PGCKA1: variants seen among roughly 807,000 people sequenced by gnomAD.
The protein encoded by PGCKA1 is PDCD10 and GCKIII kinases-associated protein 1.
At chr4:37,505,239 C>G in the PGCKA1 span, among the ~76,000 whole-genome samples, 1 of 152,334 alleles carries the variant, frequency 6.6e-6, no homozygotes, top group Admixed American at 6.5e-5. Context: ...ACATTTTAAA[C>G]CATCCTTGCA....
the PGCKA1 span, among the ~76,000 whole-genome samples, chr4:37,544,754 T>G: frequency 1.3e-5 from 2 of 152,040 alleles, no homozygotes; most frequent in Non-Finnish European, 2.9e-5. Context: ...GGGGTTGGTT[T>G]TTTGTTTGTT....
chr4:37,570,749 CAACTTCTATA>C, the PGCKA1 span, among the ~76,000 whole-genome samples: 1 of 152,192 alleles, frequency 6.6e-6, no homozygotes, highest in Non-Finnish European at 1.5e-5. Context: ...CCAAATACTC[CAACTTCTATA>C]AACGCAAACC....
chr4:37,586,488 A>G, the PGCKA1 span, among the ~76,000 whole-genome samples: 4 of 152,208 alleles, frequency 2.6e-5, no homozygotes, highest in Non-Finnish European at 5.9e-5. Context: ...GGACTCTTCT[A>G]CATTCCATGA....
the PGCKA1 span, among the ~76,000 whole-genome samples, chr4:37,562,828 A>C: frequency 0.013 from 1,910 of 152,326 alleles, 104 homozygotes; most frequent in East Asian, 0.14. Context: ...TACTTGGCAC[A>C]TAATAGGTGC....
At chr4:37,495,219 A>C in the PGCKA1 span, among the ~76,000 whole-genome samples, 1 of 152,160 alleles carries the variant, frequency 6.6e-6, no homozygotes, top group Non-Finnish European at 1.5e-5. Context: ...TCATTCTTAA[A>C]AAGTCAGGAA....
chr4:37,477,275 A>G, the PGCKA1 span, among the ~76,000 whole-genome samples: 1 of 152,206 alleles, frequency 6.6e-6, no homozygotes, highest in African/African-American at 2.4e-5. Flanking sequence ...ACATCATTCT[A>G]AGGGAAAGAA....
chr4:37,463,015 G>GGGGT, the PGCKA1 span, among the ~76,000 whole-genome samples: 1 of 149,774 alleles, frequency 6.7e-6, no homozygotes, highest in Non-Finnish European at 1.5e-5. Context: ...TGACCTGGAA[G>GGGGT]GGGTCTTCAG....
chr4:37,537,104 C>T, the PGCKA1 span, among the ~76,000 whole-genome samples: 1 of 152,194 alleles, frequency 6.6e-6, no homozygotes, highest in African/African-American at 2.4e-5. Flanking sequence ...GCCAATGTAA[C>T]ATATGTAACC....
At chr4:37,488,447 C>T in the PGCKA1 span, among the ~76,000 whole-genome samples, 1 of 152,142 alleles carries the variant, frequency 6.6e-6, no homozygotes, top group African/African-American at 2.4e-5. Context: ...CTGCATTCTG[C>T]CTCTTGACAT....
the PGCKA1 span, among the ~76,000 whole-genome samples, chr4:37,579,025 TC>T: frequency 6.6e-6 from 1 of 152,114 alleles, no homozygotes; most frequent in Non-Finnish European, 1.5e-5. Flanking sequence ...GCCATTGCAC[TC>T]CAGCCTGGGC....
the PGCKA1 span, among the ~76,000 whole-genome samples, chr4:37,581,312 C>G: frequency 1.7e-3 from 265 of 152,200 alleles, 1 homozygote; most frequent in African/African-American, 6.1e-3. This position sits in a 1 kb window ranked among gnomAD's most constrained non-coding sequence, Gnocchi z 4.4. Context: ...TAGAAGTAGT[C>G]TCTCCCCATA....
the PGCKA1 span, among the ~76,000 whole-genome samples, chr4:37,514,020 A>G: frequency 1.3e-5 from 2 of 152,204 alleles, no homozygotes; most frequent in Non-Finnish European, 2.9e-5. Context: ...TAATGAACAG[A>G]AATTCATTGG....
At chr4:37,591,062 C>T in the PGCKA1 span, 2 of 1,370,634 alleles carry the variant, frequency 1.5e-6, no homozygotes, top group African/African-American at 1.4e-5. Context: ...TGCATTTGCT[C>T]CCTGGATGCA....
chr4:37,561,991 C>T, the PGCKA1 span, among the ~76,000 whole-genome samples: 3 of 152,192 alleles, frequency 2.0e-5, no homozygotes, highest in East Asian at 1.9e-4. Flanking sequence ...CTAGACAACA[C>T]GTCAGCACTA....
chr4:37,460,583 G>A, the PGCKA1 span: 4 of 453,480 alleles, frequency 8.8e-6, no homozygotes, highest in African/African-American at 2.0e-5. Context: ...TTTGTCTAAT[G>A]ATCAGTGATG....
the PGCKA1 span, among the ~76,000 whole-genome samples, chr4:37,535,328 C>T: frequency 6.6e-6 from 1 of 152,202 alleles, no homozygotes; most frequent in Non-Finnish European, 1.5e-5. Flanking sequence ...TTCAGGGTTA[C>T]AGTGAGCTAT....
the PGCKA1 span, among the ~76,000 whole-genome samples, chr4:37,519,576 G>A: frequency 5.3e-5 from 8 of 152,042 alleles, no homozygotes; most frequent in African/African-American, 1.9e-4. Context: ...TTCACTGTTG[G>A]CGTATGAAAA....
At chr4:37,522,876 A>G in the PGCKA1 span, among the ~76,000 whole-genome samples, 1 of 151,668 alleles carries the variant, frequency 6.6e-6, no homozygotes, top group South Asian at 2.1e-4. Context: ...AGTCCTTTCA[A>G]CCCTTCTCTC....
chr4:37,483,847 G>A, the PGCKA1 span, among the ~76,000 whole-genome samples: 3 of 152,210 alleles, frequency 2.0e-5, no homozygotes, highest in Non-Finnish European at 4.4e-5. Flanking sequence ...TATGTGGGCT[G>A]GGAGGTGAGC....
Sources: allele counts gnomAD v4.1 joint callset (sites outside exome capture counted in the v4.1 genomes callset), GRCh38; gene constraint gnomAD v4.1.1; non-coding constraint Gnocchi (gnomAD v3.1); transcripts MANE v1.5; gene names NCBI Gene and HGNC (gene_info 2026-07-23, HGNC 2026-07-21).